PER3: variants seen among roughly 807,000 people sequenced by gnomAD.
PER3 encodes period circadian protein homolog 3.
Under a neutral mutation model 127.2 loss-of-function variants are expected in PER3, and 107 were observed. The observed-to-expected ratio is 0.84, with a 90% confidence interval of 0.72 to 0.99. The LOEUF (loss-of-function observed/expected upper bound fraction) is 0.99, where lower values mean the gene tolerates loss of function less well. Ranked by LOEUF, PER3 falls within the 50% of genes least tolerant of loss-of-function variation. PER3 has a pLI of 0.00. For missense variants in PER3, 1,560 were observed against 1,525.8 expected, an observed-to-expected ratio of 1.02 and a Z score of -0.37; for synonymous variants, 618 against 585.8, an observed-to-expected ratio of 1.05 and a Z score of -0.79.
At chr1:7,794,882 G>A (rs1229086250) in intron 6 of PER3, among the ~76,000 whole-genome samples, 1 of 150,324 alleles carries the variant, frequency 6.7e-6, no homozygotes, top group Admixed American at 6.7e-5. Flanking sequence ...TATATATTCT[G>A]TTATGTTATA....
Position 7,818,950 on chromosome 1 carries a change from C to T in PER3, c.1523-335C>T, listed in dbSNP as rs1008751426. On this transcript the variant is annotated intron_variant, in intron 13 of 21. Coordinates refer to ENST00000377532, the MANE Select transcript of PER3 (RefSeq NM_001377275.1). ...CAGGGTTGATCAGTTGTACAGGAAG[C>T]GTCAGCTTAACATTGGAAAGCTCCC... Among the ~76,000 whole-genome samples, 13 of 152,314 alleles carry T rather than the reference C, an allele frequency of 8.5e-5. No homozygotes were observed. The East Asian group carries it at 2.3e-3, about 27-fold the overall frequency.
In PER3 at chr1:7,809,098, A is replaced by T. The variant is rs2097208120; in HGVS notation, c.1242+100A>T. ...AAAAATAAACTGTAAAGGGAGACAA[A>T]TCTTTGCCCTCTACATTCCAGAAAT... On this transcript the variant is annotated intron_variant, in intron 11 of 21. Coordinates refer to ENST00000377532, the MANE Select transcript of PER3 (RefSeq NM_001377275.1). The T allele has an allele frequency of 4.8e-6, 3 of 623,464 alleles. No homozygotes were observed. In the East Asian group the frequency reaches 8.8e-5, roughly 18 times the overall value. 38.6% of individuals were successfully genotyped at this position (623,464 alleles called of 1,614,324 possible). A position where few individuals can be genotyped will look rare whatever the true frequency, so the allele number is the denominator to read the frequency against.
chr1:7,787,699 G>A (rs1402486274), intron 4 of PER3: 5 of 350,844 alleles, frequency 1.4e-5, no homozygotes, highest in Admixed American at 4.1e-5. Flanking sequence ...TCTTCAGTGT[G>A]TCTTAAAGCA....
At chr1:7,811,118 G>A (rs2097217351) in intron 13 of PER3, among the ~76,000 whole-genome samples, 1 of 152,156 alleles carries the variant, frequency 6.6e-6, no homozygotes. Context: ...AGTTAACCTA[G>A]TTGCATTGTA....
chr1:7,798,711 A>C (rs2097156894), intron 7 of PER3, 38 bp downstream of exon 7: 2 of 1,552,976 alleles, frequency 1.3e-6, no homozygotes, highest in Non-Finnish European at 1.8e-6. Flanking sequence ...GTCAGCAATC[A>C]GATAGGAACA....
rs1271015780 is a variant in PER3 at position 7,826,783 on chromosome 1, TAAG to T, written c.2188+74_2188+76del. ...CAAACTGTATCTAAGGACTAGGAGA[TAAG>T]GAGTGAACAATAGGAGTTTTACTTG... On this transcript the variant is annotated intron_variant, in intron 17 of 21. Transcript: ENST00000377532. The surrounding 1 kb of genome is among the most constrained non-coding windows in gnomAD (Gnocchi z 4.2). The T allele has an allele frequency of 2.9e-5, 26 of 886,300 alleles. No individual in the cohort carries two copies. Among genetic ancestry groups the T allele is most frequent in the East Asian group, 5.2e-5 (2 of 38,414 alleles). The allele number at this position is 886,300 out of a possible 1,614,324, so 54.9% of individuals were successfully genotyped here.
Position 7,809,061 on chromosome 1 carries a change from A to G in PER3, c.1242+63A>G, listed in dbSNP as rs375440748. The G allele has an allele frequency of 3.5e-5, 27 of 773,448 alleles. No homozygotes were observed. The East Asian group carries it at 6.5e-4, about 19-fold the overall frequency. The allele number at this position is 773,448 out of a possible 1,614,324, so 47.9% of individuals were successfully genotyped here. ...TTGTGTTTTGTTTTAATGCTCAGTA[A>G]ATTCACTTCACAAAAATAAACTGTA... On this transcript the variant is annotated intron_variant, in intron 11 of 21. Transcript: ENST00000377532.
chr1:7,803,123 C>G lies in PER3; in HGVS notation c.949C>G (p.Arg317Gly), dbSNP rs145870917. 3.7e-6 allele frequency: 6 copies of G among 1,611,612 alleles called. No individual in the cohort carries two copies. Among genetic ancestry groups the G allele is most frequent in the Non-Finnish European group, 4.2e-6 (5 of 1,177,778 alleles). The part of the protein sequence containing the change: ...SILSYLHPED[R>G]SLMVAIHQKV... ...CCTAAGCTACCTGCACCCTGAAGAT[C>G]GTTCTCTGATGGTTGCCATACACCA... Residue 317 changes from arginine to glycine, a missense_variant, in exon 9 of 22, where the codon CGT becomes GGT. Arg to Gly is a moderately radical substitution (Grantham distance 125, BLOSUM62 -2). This residue lies in a region of PER3 where 1,332 missense variants were observed against 1,223.6 expected (regional missense o/e 1.09). Coordinates refer to ENST00000377532, the MANE Select transcript of PER3 (RefSeq NM_001377275.1).
rs368842214 is a variant in PER3 at position 7,827,604 on chromosome 1, C to T, written c.2675C>T (p.Ser892Leu). 4 of 1,614,162 alleles carry T rather than the reference C, an allele frequency of 2.5e-6. No homozygotes were observed. The highest frequency in any genetic ancestry group is 1.3e-5 in the African/African-American group (1 of 75,054). Residue 892 changes from serine to leucine, a missense_variant, in exon 18 of 22, where the codon TCG (serine) becomes TTG (leucine). Physicochemically the swap from Ser to Leu is moderately radical, Grantham distance 145. Around this residue, in one of 3 missense-constraint regions of PER3, gnomAD observed 1,332 missense variants for 1,223.6 expected, o/e 1.09. Transcript: ENST00000377532. ...TASSAISPSMSSAMSPTLDPP... is the reference protein window; with the variant it reads ...TASSAISPSMLSAMSPTLDPP... ...TCTTCTGCGATATCACCCTCAATGT[C>T]GTCAGCAATGAGTCCAACTCTGGAC... is the stretch of plus-strand genomic sequence containing the variant.
intron 4 of PER3, chr1:7,787,119 CA>C: frequency 2.8e-6 from 1 of 359,596 alleles, no homozygotes; most frequent in Non-Finnish European, 4.7e-6. Flanking sequence ...TAAGAGAAAA[CA>C]AAAATTACAC....
chr1:7,786,870 G>A, intron 4 of PER3, 34 bp downstream of exon 4: 2 of 1,270,610 alleles, frequency 1.6e-6, no homozygotes, highest in Non-Finnish European at 2.3e-6. Context: ...TATCAACCTG[G>A]GTGACTTTTC....
chr1:7,788,510 G>C (rs1382563784), intron 5 of PER3: 14 of 369,734 alleles, frequency 3.8e-5, no homozygotes, highest in Non-Finnish European at 6.9e-5. Context: ...TTGTATAGTG[G>C]TTTAGTTGCT....
chr1:7,813,774 A>G (rs1577808453), intron 13 of PER3, among the ~76,000 whole-genome samples: 1 of 152,336 alleles, frequency 6.6e-6, no homozygotes, highest in East Asian at 1.9e-4. Context: ...CACAAGTTAC[A>G]CAGTTCTCAA....
At chr1:7,842,600 C>G in intron 21 of PER3, 72 bp from the exon 22 acceptor site, 2 of 1,552,336 alleles carry the variant, frequency 1.3e-6, no homozygotes, top group Non-Finnish European at 1.8e-6. Context: ...ATGTGACCAG[C>G]CTTTTACTGT....
Position 7,836,975 on chromosome 1 carries a change from A to G in PER3, c.3399-24A>G, listed in dbSNP as rs1340320145. 9 of 1,599,324 alleles carry G rather than the reference A, an allele frequency of 5.6e-6. No individual in the cohort carries two copies. In the South Asian group the frequency reaches 8.9e-5, roughly 16 times the overall value. ...ACCCTGTGTCTTATTCAGGACTATT[A>G]AGATTCTGTTTGTTTGTTTTCAGGG... On this transcript the variant is annotated intron_variant, in intron 20 of 21. Transcript: ENST00000377532.
chr1:7,826,589 G>A lies in PER3; in HGVS notation c.2067G>A (p.Ala689=), dbSNP rs760891425. 3.3e-5 allele frequency: 54 copies of A among 1,612,504 alleles called. No homozygotes were observed. Among genetic ancestry groups the A allele is most frequent in the Non-Finnish European group, 4.4e-5 (52 of 1,178,708 alleles). ...HVGLTAAVLS[A]HTQKEEQNYV... is the part of the protein sequence containing the mutation. ...GGCTCACAGCGGCTGTTCTGTCAGC[G>A]CACACCCAGAAGGAAGAGCAGAATT... is the stretch of plus-strand genomic sequence containing the variant. Residue 689 remains alanine (A), a synonymous_variant, in exon 17 of 22, where the codon GCG becomes GCA. Coordinates refer to ENST00000377532, the MANE Select transcript of PER3 (RefSeq NM_001377275.1). This position sits in a 1 kb window ranked among gnomAD's most constrained non-coding sequence, Gnocchi z 4.2.
At chr1:7,802,906 C>G (rs979194669) in intron 8 of PER3, 141 bp from the exon 9 acceptor site, 16 of 651,578 alleles carry the variant, frequency 2.5e-5, no homozygotes, top group Non-Finnish European at 1.1e-5. Context: ...CACTTGGGTT[C>G]TTTGCTGTTT....
rs1294267815 is a variant in PER3 at position 7,810,039 on chromosome 1, A to G, written c.1371+18A>G. ...CGGAGCAGGTGCATGGGCTTATGTC[A>G]CATTCTTATACAGGCATCGTGTTTT... On this transcript the variant is annotated intron_variant, in intron 12 of 21. Transcript: ENST00000377532. 1.2e-6 allele frequency: 2 copies of G among 1,605,568 alleles called. No individual in the cohort carries two copies. Among genetic ancestry groups the G allele is most frequent in the South Asian group, 2.2e-5 (2 of 90,510 alleles).
chr1:7,829,733 G>A, intron 18 of PER3, 101 bp from the exon 19 acceptor site: 1 of 955,210 alleles, frequency 1.0e-6, no homozygotes, highest in Non-Finnish European at 1.6e-6. Flanking sequence ...GTTGACCACA[G>A]GTAACTGAAA....
Sources: gnomAD v4.1 joint callset for allele counts (sites outside exome capture counted in the v4.1 genomes callset) on GRCh38, gnomAD v4.1.1 for gene constraint, gnomAD v4.1.1 regional missense constraint, Gnocchi (gnomAD v3.1) non-coding constraint, MANE v1.5 for transcripts, NCBI Gene and HGNC (gene_info 2026-07-23, HGNC 2026-07-21) for gene names.